The following RPS6KC1 variants were observed in gnomAD, a reference collection of about 807,000 sequenced individuals.
RPS6KC1 encodes the protein ribosomal protein S6 kinase C1.
Under a neutral mutation model 103.8 loss-of-function variants are expected in RPS6KC1, and 54 were observed. That is an observed-to-expected ratio of 0.52 (90% CI 0.42 to 0.65). The LOEUF is 0.65. RPS6KC1 is among the 30% of genes least tolerant of loss of function. The pLI, the probability that RPS6KC1 is intolerant of heterozygous loss-of-function variation, is 0.00. For missense variants in RPS6KC1, 1,151 were observed against 1,253.8 expected (o/e 0.92, Z 1.24); for synonymous variants, 439 against 438.7 (o/e 1.00, Z -0.01).
At chr1:213,767,745 A>G in the RPS6KC1 span, among the ~76,000 whole-genome samples, 11 of 152,218 alleles carry the variant, frequency 7.2e-5, no homozygotes, top group Non-Finnish European at 1.3e-4. Flanking sequence ...TCTTCATGGA[A>G]GAGAAACTCT....
chr1:213,167,138 C>T (rs1028976466), intron 6 of RPS6KC1, among the ~76,000 whole-genome samples: 4 of 152,052 alleles, frequency 2.6e-5, no homozygotes, highest in Non-Finnish European at 4.4e-5. Context: ...ACTAGGGGGG[C>T]CCATCCTTGG....
At position 213,241,652 on chromosome 1, in the gene RPS6KC1, T is replaced by C; in HGVS notation, c.2176T>C (p.Leu726=). The change falls in exon 11 of 15, where the codon TTG becomes CTG. Residue 726 remains leucine (L), a synonymous_variant. Coordinates refer to ENST00000366960, the MANE Select transcript of RPS6KC1 (RefSeq NM_012424.6). ...TNIGIIENKL[L]EAPDVLCLRL... Reference sequence around the variant, plus strand: ...TATAGGGATAATAGAAAATAAACTCTTGGAAGCCCCTGATGTTTTATGCCT... The same window carrying C: ...TATAGGGATAATAGAAAATAAACTCCTGGAAGCCCCTGATGTTTTATGCCT... 1 of 1,613,858 alleles carries C rather than the reference T, an allele frequency of 6.2e-7. No individual in the cohort carries two copies. Among genetic ancestry groups the C allele is most frequent in the Non-Finnish European group, 8.5e-7 (1 of 1,179,946 alleles).
the RPS6KC1 span, among the ~76,000 whole-genome samples, chr1:213,745,466 A>G: frequency 1.3e-5 from 2 of 151,902 alleles, no homozygotes; most frequent in African/African-American, 4.8e-5. Flanking sequence ...GGAAAAGGCT[A>G]CAGCTCCTGG....
intron 6 of RPS6KC1, among the ~76,000 whole-genome samples, chr1:213,140,954 T>C (rs2086956861): frequency 6.6e-6 from 1 of 150,602 alleles, no homozygotes; most frequent in Admixed American, 6.8e-5. Context: ...GGGAGTGCAA[T>C]GGCGTGATCT....
At chr1:213,235,037 G>A (rs191877127) in intron 10 of RPS6KC1, among the ~76,000 whole-genome samples, 15 of 152,310 alleles carry the variant, frequency 9.8e-5, no homozygotes, top group South Asian at 2.1e-4. Context: ...TGGCACCTCC[G>A]TAGATTAGGA....
At chr1:213,749,023 C>A in the RPS6KC1 span, among the ~76,000 whole-genome samples, 1 of 152,220 alleles carries the variant, frequency 6.6e-6, no homozygotes, top group Non-Finnish European at 1.5e-5. Context: ...TTTGCTTTCA[C>A]CCCTAGAAAA....
chr1:213,094,723 C>T (rs776945613), intron 3 of RPS6KC1, among the ~76,000 whole-genome samples: 3 of 152,106 alleles, frequency 2.0e-5, no homozygotes, highest in South Asian at 2.1e-4. Context: ...GTGGTGTTCT[C>T]GTATTGAACA....
At chr1:213,738,636 T>G in the RPS6KC1 span, among the ~76,000 whole-genome samples, 1 of 151,910 alleles carries the variant, frequency 6.6e-6, no homozygotes, top group Non-Finnish European at 1.5e-5. Context: ...TCTTTATAAA[T>G]GAGAGAAAGC....
the RPS6KC1 span, among the ~76,000 whole-genome samples, chr1:213,377,082 T>G: frequency 6.6e-6 from 1 of 152,326 alleles, no homozygotes; most frequent in Non-Finnish European, 1.5e-5. Flanking sequence ...CTTGGGATGT[T>G]GGTGGTTTGC....
the RPS6KC1 span, among the ~76,000 whole-genome samples, chr1:213,563,968 A>G: frequency 3.1e-5 from 3 of 97,834 alleles, no homozygotes; most frequent in Non-Finnish European, 4.4e-5. Flanking sequence ...TTTTTTGCTT[A>G]CCTCTTTTTT....
At chr1:213,084,072 T>C (rs901845997) in intron 3 of RPS6KC1, among the ~76,000 whole-genome samples, 8 of 152,236 alleles carry the variant, frequency 5.3e-5, no homozygotes, top group Non-Finnish European at 1.0e-4. Flanking sequence ...GATTCACTTA[T>C]TGTTAAGCTT....
chr1:213,411,517 G>A, the RPS6KC1 span, among the ~76,000 whole-genome samples: 1 of 152,208 alleles, frequency 6.6e-6, no homozygotes, highest in Non-Finnish European at 1.5e-5. Context: ...GAGACACTGG[G>A]ATTCTCAAGG....
chr1:213,474,256 C>T, the RPS6KC1 span, among the ~76,000 whole-genome samples: 80 of 152,172 alleles, frequency 5.3e-4, no homozygotes, highest in South Asian at 8.3e-4. Flanking sequence ...CTCCTTGGCC[C>T]GGATCCCAGT....
At position 213,051,598 on chromosome 1, in the gene RPS6KC1, G is replaced by C. The variant is rs541374243; in HGVS notation, c.105+89G>C. The C allele has an allele frequency of 6.3e-6, 6 of 945,764 alleles. No individual in the cohort carries two copies. In the South Asian group the frequency reaches 8.8e-5, roughly 14 times the overall value. 58.6% of individuals were successfully genotyped at this position (945,764 alleles called of 1,614,324 possible). ...CCTGATGTGAGGGTACCTGACTCTGGCTCAGAGCCGAGGGTGGGACTGGGT... is the reference window on the plus strand; with the variant it reads ...CCTGATGTGAGGGTACCTGACTCTGCCTCAGAGCCGAGGGTGGGACTGGGT... On this transcript the variant is annotated intron_variant, in intron 1 of 14. Coordinates refer to ENST00000366960, the MANE Select transcript of RPS6KC1 (RefSeq NM_012424.6).
the RPS6KC1 span, among the ~76,000 whole-genome samples, chr1:213,541,755 G>A: frequency 1.3e-5 from 2 of 152,172 alleles, no homozygotes; most frequent in Admixed American, 1.3e-4. Context: ...AATGGTATAT[G>A]ACCCATTGCA....
the RPS6KC1 span, among the ~76,000 whole-genome samples, chr1:213,722,383 C>T: frequency 6.6e-6 from 1 of 152,126 alleles, no homozygotes; most frequent in Non-Finnish European, 1.5e-5. Flanking sequence ...CATTATTGGT[C>T]CTGATACTGT....
At chr1:213,397,441 G>A in the RPS6KC1 span, among the ~76,000 whole-genome samples, 19 of 152,080 alleles carry the variant, frequency 1.2e-4, no homozygotes, top group East Asian at 1.8e-3. Flanking sequence ...ACTGTTTTCA[G>A]CCTGTAGAAG....
At chr1:213,347,984 TATTCAAGGAGG>T in the RPS6KC1 span, among the ~76,000 whole-genome samples, 2 of 152,070 alleles carry the variant, frequency 1.3e-5, no homozygotes, top group African/African-American at 2.4e-5. Flanking sequence ...GTGATTGGCA[TATTCAAGGAGG>T]TCTGTGTGGT....
At chr1:213,583,785 C>G in the RPS6KC1 span, among the ~76,000 whole-genome samples, 1 of 132,574 alleles carries the variant, frequency 7.5e-6, no homozygotes, top group African/African-American at 2.9e-5. Context: ...TGCACCATTG[C>G]ACTCCAGCCT....
Sources: allele counts gnomAD v4.1 joint callset (sites outside exome capture counted in the v4.1 genomes callset), GRCh38; gene constraint gnomAD v4.1.1; transcripts MANE v1.5; gene names NCBI Gene and HGNC (gene_info 2026-07-23, HGNC 2026-07-21).